PAK3: variants seen among roughly 807,000 people sequenced by gnomAD.
PAK3 encodes p21 (RAC1) activated kinase 3, also known as serine/threonine-protein kinase PAK 3.
In PAK3, 4 loss-of-function variants were observed where a neutral mutation model predicts 41.0. The ratio of observed to expected loss-of-function variants is 0.10; its 90% confidence interval spans 0.05 to 0.22. The LOEUF is 0.22. Ranked by LOEUF, PAK3 falls within the 10% of genes least tolerant of loss-of-function variation. The probability of loss-of-function intolerance (pLI) is 1.00; values close to 1 mark genes in which losing one functional copy is unlikely to be tolerated. For synonymous variants in PAK3, 146 were observed against 139.6 expected (o/e 1.05, Z -0.32); for missense variants, 205 against 409.9 (o/e 0.50, Z 4.32).
chrX:111,050,725 C>A (rs1171370941), intron 1 of PAK3, among the ~76,000 whole-genome samples: 1 of 112,217 alleles, frequency 8.9e-6, no homozygotes, highest in Non-Finnish European at 1.9e-5. Context: ...CATCTTGAAC[C>A]CTTGGTGGGA....
chrX:111,042,477 T>C (rs1477388647), intron 1 of PAK3, among the ~76,000 whole-genome samples: 1 of 111,609 alleles, frequency 9.0e-6, no homozygotes, highest in African/African-American at 3.3e-5. Context: ...AAACCAAGGA[T>C]AGGGCTCTTC....
Position 111,063,582 on chromosome X carries a change from G to A in PAK3, c.-27-59495G>A, listed in dbSNP as rs751542298. Among the ~76,000 whole-genome samples, 252 of 111,259 alleles carry A rather than the reference G, an allele frequency of 2.3e-3. 1 individual carries two copies. The highest frequency in any genetic ancestry group is 3.3e-3 in the Non-Finnish European group (177 of 53,036). On this transcript the variant is annotated intron_variant, in intron 1 of 14. Coordinates refer to the PAK3 transcript ENST00000425146. Reference sequence around the variant, plus strand: ...CAACCATCTCTTTTTATAGGGAAGGGCAGACACATGAAACTGGGCATTCAT... The same window carrying A: ...CAACCATCTCTTTTTATAGGGAAGGACAGACACATGAAACTGGGCATTCAT...
At chrX:111,049,780 T>C (rs993256625) in intron 1 of PAK3, among the ~76,000 whole-genome samples, 5 of 111,954 alleles carry the variant, frequency 4.5e-5, no homozygotes, top group African/African-American at 1.3e-4. Flanking sequence ...GAAAGAAGAA[T>C]GATGATTCCA....
At chrX:111,159,491 A>G (rs2094144671) in intron 8 of PAK3, among the ~76,000 whole-genome samples, 1 of 111,290 alleles carries the variant, frequency 9.0e-6, no homozygotes, top group Non-Finnish European at 1.9e-5. Context: ...AAAAGTACTC[A>G]GCTTCCATCC....
intron 1 of PAK3, among the ~76,000 whole-genome samples, chrX:111,090,280 A>C (rs1230080589): frequency 9.0e-6 from 1 of 110,658 alleles, no homozygotes; most frequent in African/African-American, 3.3e-5. Flanking sequence ...TTGGCATTCC[A>C]CTCACACCTC....
intron 1 of PAK3, among the ~76,000 whole-genome samples, chrX:110,978,730 T>C (rs1007032423): frequency 9.2e-6 from 1 of 108,992 alleles, no homozygotes; most frequent in African/African-American, 3.4e-5. Flanking sequence ...TTCTTTCTTT[T>C]TCTTTCTTTC....
At chrX:111,094,679 CTTTTT>C (rs762547955), upstream of PAK3, among the ~76,000 whole-genome samples, 30 of 45,090 alleles carry the variant, frequency 6.7e-4, no homozygotes, top group Non-Finnish European at 1.1e-3. Context: ...ATCTGTAGCT[CTTTTT>C]TTTTTTTTTT....
chrX:111,093,495 C>A (rs1331355367), upstream of PAK3, among the ~76,000 whole-genome samples: 1 of 111,954 alleles, frequency 8.9e-6, no homozygotes, highest in Admixed American at 9.4e-5. Context: ...CAGATGAAAT[C>A]TTTAAGATAT....
chrX:111,026,102 A>G (rs2092265878), intron 1 of PAK3, among the ~76,000 whole-genome samples: 1 of 112,013 alleles, frequency 8.9e-6, no homozygotes, highest in African/African-American at 3.2e-5. Flanking sequence ...GACAAAATCC[A>G]GCATTCCTTT....
intron 12 of PAK3, 104 bp from the exon 13 acceptor site, chrX:111,192,402 G>C: frequency 3.5e-6 from 2 of 566,115 alleles, no homozygotes; most frequent in Non-Finnish European, 6.1e-6. Context: ...AAAGAGCTTA[G>C]TAAATAAAGA....
At chrX:111,045,250 G>A (rs753345952) in intron 1 of PAK3, among the ~76,000 whole-genome samples, 2 of 112,360 alleles carry the variant, frequency 1.8e-5, no homozygotes, top group South Asian at 3.7e-4. Context: ...CAATTTGAAC[G>A]TGCTAAGGTG....
rs1283393651 is a variant in PAK3, at chrX:111,096,839, C to T, written c.-353+424C>T. The T allele has an allele frequency of 6.5e-5, 5 of 77,518 alleles. No homozygotes were observed. In the Admixed American group the frequency reaches 9.1e-4, roughly 14 times the overall value. 6.4% of individuals were successfully genotyped at this position (77,518 alleles called of 1,213,427 possible). A position where few individuals can be genotyped will look rare whatever the true frequency, so the allele number is the denominator to read the frequency against. On this transcript the variant is annotated intron_variant, in intron 1 of 17. Transcript: ENST00000372007. ...GGGAGGGGGTGTGGCCACGGTCTGG[C>T]CAAGTCCGGGGTAGAACCCCCCCGC... is the stretch of plus-strand genomic sequence containing the variant.
At chrX:111,010,059 C>T (rs771755147) in intron 1 of PAK3, among the ~76,000 whole-genome samples, 58 of 112,241 alleles carry the variant, frequency 5.2e-4, no homozygotes, top group Non-Finnish European at 9.6e-4. Flanking sequence ...AGTCTTGGTT[C>T]ATGAACTTCC....
intron 4 of PAK3, among the ~76,000 whole-genome samples, chrX:111,115,325 GAGA>G (rs2093443204): frequency 8.9e-6 from 1 of 112,038 alleles, no homozygotes; most frequent in African/African-American, 3.2e-5. Context: ...AATTTCTAAA[GAGA>G]CTGCTTTGGG....
rs756968240 is a variant in PAK3 at position 111,006,263 on chromosome X, T to A, written c.-28+61635T>A. On this transcript the variant is annotated intron_variant, in intron 1 of 14. Coordinates refer to the PAK3 transcript ENST00000425146. The stretch of plus-strand genomic sequence containing the variant: ...AATATGGACTATATATTAGGTAATA[T>A]AATTGTGTCAGTGTTAAAATTACTG... Among the ~76,000 whole-genome samples, 54 of 111,922 alleles carry A rather than the reference T, an allele frequency of 4.8e-4. No individual in the cohort carries two copies. The South Asian group carries it at 0.014, about 29-fold the overall frequency.
At chrX:110,960,144 C>T (rs1442843750) in intron 1 of PAK3, among the ~76,000 whole-genome samples, 1 of 111,967 alleles carries the variant, frequency 8.9e-6, no homozygotes, top group African/African-American at 3.3e-5. Context: ...TCCTTCATCA[C>T]TTTGACAAAT....
At chrX:111,137,128 C>T (rs188009343) in intron 5 of PAK3, among the ~76,000 whole-genome samples, 25 of 112,013 alleles carry the variant, frequency 2.2e-4, no homozygotes, top group African/African-American at 4.2e-4. Flanking sequence ...TGGAGAACAA[C>T]GCACTTGGCC....
At chrX:111,121,330 A>T (rs5942721) in intron 4 of PAK3, among the ~76,000 whole-genome samples, 1 of 110,724 alleles carries the variant, frequency 9.0e-6, no homozygotes, top group Non-Finnish European at 1.9e-5. Flanking sequence ...TCTCCCGTTC[A>T]AATCAAAATC....
intron 16 of PAK3, among the ~76,000 whole-genome samples, chrX:111,201,722 A>G (rs1428414567): frequency 9.4e-6 from 1 of 106,334 alleles, no homozygotes; most frequent in Non-Finnish European, 1.9e-5. Flanking sequence ...CCTGCTTCCT[A>G]TCTGTAAAAT....
Sources: allele counts gnomAD v4.1 joint callset (sites outside exome capture counted in the v4.1 genomes callset), GRCh38; gene constraint gnomAD v4.1.1; transcripts MANE v1.5; gene names NCBI Gene and HGNC (gene_info 2026-07-23, HGNC 2026-07-21).